The following HIPK3 variants were observed in gnomAD, a reference collection of about 807,000 sequenced individuals.
HIPK3 encodes the protein homeodomain-interacting protein kinase 3.
A neutral mutation model predicts 124.2 loss-of-function variants in HIPK3; 47 were observed. The observed-to-expected ratio is 0.38, with a 90% confidence interval of 0.30 to 0.48. The LOEUF (loss-of-function observed/expected upper bound fraction) is 0.48. HIPK3 is among the 20% of genes least tolerant of loss of function. The pLI is 0.98. For missense variants in HIPK3, 1,286 were observed against 1,454.3 expected (o/e 0.88, Z 1.88); for synonymous variants, 482 against 515.2 (o/e 0.94, Z 0.87).
At chr11:33,271,983 G>C (rs1481819663) in intron 1 of HIPK3, among the ~76,000 whole-genome samples, 1 of 152,172 alleles carries the variant, frequency 6.6e-6, no homozygotes, top group East Asian at 1.9e-4. Flanking sequence ...GCCTTGCTAA[G>C]TCTATCTAAA....
chr11:33,347,522 T>C, intron 9 of HIPK3, 107 bp from the exon 10 acceptor site: 1 of 1,570,518 alleles, frequency 6.4e-7, no homozygotes, highest in Non-Finnish European at 8.7e-7. Context: ...GACTTTAATG[T>C]TTATAATTGT....
chr11:33,351,907 G>A, intron 15 of HIPK3, 64 bp downstream of exon 15: 1 of 1,356,780 alleles, frequency 7.4e-7, no homozygotes, highest in South Asian at 1.3e-5. Flanking sequence ...AGGAAAATCT[G>A]AGAATGCAGT....
At chr11:33,339,950 T>C (rs1380480641) in intron 6 of HIPK3, among the ~76,000 whole-genome samples, 1 of 152,246 alleles carries the variant, frequency 6.6e-6, no homozygotes, top group Admixed American at 6.5e-5. Context: ...TGCTTTCCTT[T>C]TTCCTCTTTT....
At chr11:33,286,387 T>C in intron 1 of HIPK3, 26 bp from the exon 2 acceptor site, 1 of 1,377,872 alleles carries the variant, frequency 7.3e-7, no homozygotes. Context: ...TTTTTTTTCT[T>C]TTCCTTTTTT....
At chr11:33,276,701 A>C (rs1254815440) in intron 1 of HIPK3, among the ~76,000 whole-genome samples, 6 of 151,948 alleles carry the variant, frequency 3.9e-5, no homozygotes, top group Admixed American at 6.6e-5. Flanking sequence ...ATTTTATTTT[A>C]TTTTATTATT....
chr11:33,289,367 C>T (rs1447504839), intron 2 of HIPK3, among the ~76,000 whole-genome samples: 1 of 152,000 alleles, frequency 6.6e-6, no homozygotes, highest in Non-Finnish European at 1.5e-5. Flanking sequence ...ATCCCTTGAG[C>T]CCAGGTGTTA....
At chr11:33,351,898 G>C in intron 15 of HIPK3, 55 bp downstream of exon 15, 1 of 1,432,494 alleles carries the variant, frequency 7.0e-7, no homozygotes, top group Non-Finnish European at 9.6e-7. Flanking sequence ...TCTTAATTTA[G>C]GAAAATCTGA....
chr11:33,353,612 A>C lies in HIPK3; in HGVS notation c.*44A>C, dbSNP rs752289294. 1.6e-6 allele frequency: 2 copies of C among 1,271,926 alleles called. No homozygotes were observed. The highest frequency in any genetic ancestry group is 4.7e-5 in the East Asian group (2 of 42,956). The allele number at this position is 1,271,926 out of a possible 1,614,324, so 78.8% of individuals were successfully genotyped here. A position where few individuals can be genotyped will look rare whatever the true frequency, so the allele number is the denominator to read the frequency against. On this transcript the variant is annotated 3_prime_UTR_variant, in exon 17 of 17. Coordinates refer to ENST00000303296, the MANE Select transcript of HIPK3 (RefSeq NM_005734.5). ...AGCTCAATGATACAAACATTTGATT[A>C]AAAATAAAAACATGGTATTTAATAT...
Position 33,286,403 on chromosome 11 carries a change from T to A in HIPK3, c.-2-10T>A. The A allele has an allele frequency of 1.5e-6, 2 of 1,305,342 alleles. No individual in the cohort carries two copies. The highest frequency in any genetic ancestry group is 5.6e-5 in the South Asian group (2 of 35,682). 80.9% of individuals were successfully genotyped at this position (1,305,342 alleles called of 1,614,324 possible). ...TTTTTTTCTTTTCCTTTTTTTTTTT[T>A]TTTTTGCAGGTATGGCCTCACAAGT... is the stretch of plus-strand genomic sequence containing the variant. On this transcript the variant is annotated splice_polypyrimidine_tract_variant and intron_variant, in intron 1 of 16. Coordinates refer to ENST00000303296, the MANE Select transcript of HIPK3 (RefSeq NM_005734.5).
rs956471469 is a variant in HIPK3, at chr11:33,355,414, G to A, written c.*1846G>A. On this transcript the variant is annotated 3_prime_UTR_variant, in exon 17 of 17. Coordinates refer to ENST00000303296, the MANE Select transcript of HIPK3 (RefSeq NM_005734.5). The stretch of plus-strand genomic sequence containing the variant: ...TTTCATACTGGCATTGTAGACACTT[G>A]AGAAAGCTGTATCTTGCAGGCTTGA... 6.6e-6 allele frequency: 1 copy of A among 152,000 alleles called. No individual in the cohort carries two copies. Among genetic ancestry groups the A allele is most frequent in the Non-Finnish European group, 1.5e-5 (1 of 67,892 alleles). The allele number at this position is 152,000 out of a possible 1,614,324, so 9.4% of individuals were successfully genotyped here. A position where few individuals can be genotyped will look rare whatever the true frequency, so the allele number is the denominator to read the frequency against.
At position 33,338,821 on chromosome 11, in the gene HIPK3, A is replaced by G; in HGVS notation, c.1406A>G (p.Asn469Ser). The part of the protein sequence containing the change: ...KSKEARKYIF[N>S]SLDDVAHVNT... ...AAAGAAGCCAGAAAATACATTTTCA[A>G]CAGTCTGGATGATGTAGCGCATGTG... Residue 469 changes from asparagine (N) to serine (S), a missense_variant, in exon 5 of 17, where the codon AAC becomes AGC. By Grantham distance (46) the Asn-to-Ser change is conservative. Around this residue, in one of 3 missense-constraint regions of HIPK3, gnomAD observed 251 missense variants for 349.1 expected, o/e 0.72. Coordinates refer to ENST00000303296, the MANE Select transcript of HIPK3 (RefSeq NM_005734.5). 1 of 1,612,666 alleles carries G rather than the reference A, an allele frequency of 6.2e-7. No individual in the cohort carries two copies. Among genetic ancestry groups the G allele is most frequent in the African/African-American group, 1.3e-5 (1 of 75,040 alleles).
intron 2 of HIPK3, among the ~76,000 whole-genome samples, chr11:33,318,160 A>G (rs1477063841): frequency 6.6e-6 from 1 of 152,198 alleles, no homozygotes; most frequent in African/African-American, 2.4e-5. Flanking sequence ...GAGATTATTG[A>G]GAAATGCAGC....
intron 1 of HIPK3, among the ~76,000 whole-genome samples, chr11:33,270,143 A>G (rs1851084056): frequency 6.6e-6 from 1 of 151,906 alleles, no homozygotes; most frequent in African/African-American, 2.4e-5. Flanking sequence ...ACGCCTGGCT[A>G]ATTTTTTGTA....
At chr11:33,267,961 A>G (rs971849263) in intron 1 of HIPK3, among the ~76,000 whole-genome samples, 1 of 152,190 alleles carries the variant, frequency 6.6e-6, no homozygotes, top group African/African-American at 2.4e-5. Flanking sequence ...CTTTAATCCC[A>G]GTATTTTGAG....
chr11:33,344,885 A>T (rs1317586982), intron 8 of HIPK3, among the ~76,000 whole-genome samples: 1 of 152,182 alleles, frequency 6.6e-6, no homozygotes, highest in Non-Finnish European at 1.5e-5. Flanking sequence ...AAATTTCAGC[A>T]TTGGGCTTCT....
chr11:33,317,338 T>G (rs1466915847), intron 2 of HIPK3, among the ~76,000 whole-genome samples: 1 of 146,996 alleles, frequency 6.8e-6, no homozygotes, highest in East Asian at 2.0e-4. Flanking sequence ...TGGCACAGTC[T>G]GAGCTCCCTG....
intron 14 of HIPK3, among the ~76,000 whole-genome samples, chr11:33,350,477 G>T (rs1292498223): frequency 6.6e-6 from 1 of 150,536 alleles, no homozygotes; most frequent in African/African-American, 2.4e-5. Flanking sequence ...GACCAGCCTG[G>T]ACAACATAGT....
intron 15 of HIPK3, 33 bp downstream of exon 15, chr11:33,351,876 C>G: frequency 6.5e-7 from 1 of 1,527,154 alleles, no homozygotes; most frequent in Non-Finnish European, 9.0e-7. Context: ...TCTGGTTGTC[C>G]TTTAAATACG....
At chr11:33,263,155 C>T (rs1349377641) in intron 1 of HIPK3, among the ~76,000 whole-genome samples, 1 of 152,202 alleles carries the variant, frequency 6.6e-6, no homozygotes, top group East Asian at 1.9e-4. Context: ...CAGGCATGAG[C>T]CACTGTGCCC....
Sources: allele counts gnomAD v4.1 joint callset (sites outside exome capture counted in the v4.1 genomes callset), GRCh38; gene constraint gnomAD v4.1.1; regional missense constraint gnomAD v4.1.1; transcripts MANE v1.5; gene names NCBI Gene and HGNC (gene_info 2026-07-23, HGNC 2026-07-21).